NBAS: variants seen among roughly 807,000 people sequenced by gnomAD.
NBAS encodes the protein NAG/BC035112 fusion.
In NBAS, 219 loss-of-function variants were observed where a neutral mutation model predicts 302.5. The observed-to-expected ratio is 0.72, with a 90% CI of 0.65 to 0.81. The LOEUF is 0.81. NBAS is among the 30% of genes least tolerant of loss of function. NBAS has a pLI of 0.00. For missense variants in NBAS, 2,932 were observed against 2,841.6 expected (o/e 1.03, Z -0.72); for synonymous variants, 1,118 against 1,021.6 (o/e 1.09, Z -1.80).
intron 26 of NBAS, among the ~76,000 whole-genome samples, chr2:15,401,399 G>T (rs1336815427): frequency 1.3e-5 from 2 of 150,358 alleles, no homozygotes; most frequent in Non-Finnish European, 2.9e-5. Context: ...AGAGGGAGAA[G>T]ATAAAAAGAG....
At chr2:15,343,872 A>G (rs1265192755) in intron 35 of NBAS, among the ~76,000 whole-genome samples, 1 of 151,864 alleles carries the variant, frequency 6.6e-6, no homozygotes, top group African/African-American at 2.4e-5. Flanking sequence ...AACTTCAGGA[A>G]CATTAAACAT....
chr2:15,145,879 A>G, the NBAS span, among the ~76,000 whole-genome samples: 1 of 152,124 alleles, frequency 6.6e-6, no homozygotes, highest in South Asian at 2.1e-4. Flanking sequence ...GCATGCTCGA[A>G]GTTGAGAGCC....
chr2:14,997,932 G>T, the NBAS span, among the ~76,000 whole-genome samples: 2 of 152,212 alleles, frequency 1.3e-5, no homozygotes, highest in Middle Eastern at 3.2e-3. Flanking sequence ...GAGATAAACA[G>T]AGGCACAATC....
At chr2:14,974,101 A>G in the NBAS span, among the ~76,000 whole-genome samples, 3 of 152,130 alleles carry the variant, frequency 2.0e-5, no homozygotes, top group Non-Finnish European at 4.4e-5. Context: ...CACTCCCACA[A>G]CTGATTTATT....
the NBAS span, among the ~76,000 whole-genome samples, chr2:14,877,566 T>G: frequency 6.6e-6 from 1 of 152,198 alleles, no homozygotes; most frequent in Non-Finnish European, 1.5e-5. Flanking sequence ...GCAACATGGG[T>G]GCACCAGCCT....
chr2:14,828,805 T>C, the NBAS span, among the ~76,000 whole-genome samples: 82 of 152,026 alleles, frequency 5.4e-4, no homozygotes, highest in Non-Finnish European at 1.0e-3. Context: ...AGTGAAAAGA[T>C]GAGGGAGAGA....
In NBAS at chr2:15,353,561, G is replaced by T. The variant is rs772270925; in HGVS notation, c.4081C>A (p.Gln1361Lys). The T allele has an allele frequency of 6.2e-7, 1 of 1,613,980 alleles. No individual in the cohort carries two copies. The highest frequency in any genetic ancestry group is 1.1e-5 in the South Asian group (1 of 91,074). Residue 1361 changes from glutamine to lysine, a missense_variant, in exon 34 of 52, where the codon CAG (glutamine) becomes AAG (lysine). Gln to Lys is a moderately conservative substitution (Grantham distance 53, BLOSUM62 1). Coordinates refer to ENST00000281513, the MANE Select transcript of NBAS (RefSeq NM_015909.4). ...ELLLAASSSL[Q>K]TEILYQRVNF... The stretch of plus-strand genomic sequence containing the variant: ...TTTATCGAAGGACTTACTTCTGTCT[G>T]CAGAGAGCTGCTAGCTGCCAAAAGA...
the NBAS span, among the ~76,000 whole-genome samples, chr2:14,932,763 A>C: frequency 6.6e-6 from 1 of 152,222 alleles, no homozygotes; most frequent in African/African-American, 2.4e-5. Flanking sequence ...GGAGGCAGTT[A>C]CAGCAAAAGC....
At chr2:15,467,970 C>A (rs553560805) in intron 17 of NBAS, among the ~76,000 whole-genome samples, 166 bp from the exon 18 acceptor site, 1 of 152,180 alleles carries the variant, frequency 6.6e-6, no homozygotes, top group African/African-American at 2.4e-5. Flanking sequence ...TTCATTATAT[C>A]CACAGATGGG....
At chr2:15,168,036 T>C (rs1664116289) in intron 51 of NBAS, among the ~76,000 whole-genome samples, 1 of 152,208 alleles carries the variant, frequency 6.6e-6, no homozygotes, top group Non-Finnish European at 1.5e-5. Context: ...TCAGTTTGCG[T>C]ATTCTCTTTC....
chr2:14,903,898 T>A, the NBAS span, among the ~76,000 whole-genome samples: 1 of 152,014 alleles, frequency 6.6e-6, no homozygotes, highest in African/African-American at 2.4e-5. Flanking sequence ...GGGGGAGGCG[T>A]GCCCAGCAAG....
intron 11 of NBAS, among the ~76,000 whole-genome samples, chr2:15,491,099 C>T (rs1322162509): frequency 1.3e-5 from 2 of 152,176 alleles, no homozygotes; most frequent in Admixed American, 6.5e-5. Context: ...GGGTTCAGGA[C>T]ATGCTACCCC....
the NBAS span, among the ~76,000 whole-genome samples, chr2:15,004,565 G>A: frequency 2.0e-5 from 3 of 151,862 alleles, no homozygotes; most frequent in Non-Finnish European, 4.4e-5. Context: ...GCAGTGGCAC[G>A]ATCATGGCTC....
chr2:14,972,941 T>C, the NBAS span, among the ~76,000 whole-genome samples: 1 of 152,344 alleles, frequency 6.6e-6, no homozygotes, highest in Non-Finnish European at 1.5e-5. Context: ...GGAAAACACT[T>C]GGCTAGAACC....
At chr2:14,836,278 A>C in the NBAS span, among the ~76,000 whole-genome samples, 1 of 151,816 alleles carries the variant, frequency 6.6e-6, no homozygotes, top group Non-Finnish European at 1.5e-5. Flanking sequence ...TGATGGATAG[A>C]AGTTTTTCAT....
chr2:15,429,367 A>G (rs1170911714), intron 21 of NBAS, among the ~76,000 whole-genome samples: 2 of 152,246 alleles, frequency 1.3e-5, no homozygotes, highest in African/African-American at 2.4e-5. Context: ...CTGAGTATCA[A>G]TAGTAGCATT....
At chr2:15,311,464 T>A (rs1043534017) in intron 38 of NBAS, among the ~76,000 whole-genome samples, 2 of 152,154 alleles carry the variant, frequency 1.3e-5, no homozygotes, top group Admixed American at 6.5e-5. Context: ...ACAACATGTT[T>A]TCGTTTCCCA....
the NBAS span, among the ~76,000 whole-genome samples, chr2:15,089,418 A>G: frequency 9.4e-3 from 1,428 of 152,250 alleles, 17 homozygotes; most frequent in Middle Eastern, 0.024. Flanking sequence ...GCCCTATCCA[A>G]TCCAATTCCT....
At chr2:15,559,157 A>C (rs1664793310) in intron 1 of NBAS, among the ~76,000 whole-genome samples, 1 of 151,944 alleles carries the variant, frequency 6.6e-6, no homozygotes, top group Admixed American at 6.6e-5. Flanking sequence ...GTCAGGACTA[A>C]CCTTGCAGGA....
Sources: allele counts gnomAD v4.1 joint callset (sites outside exome capture counted in the v4.1 genomes callset), GRCh38; gene constraint gnomAD v4.1.1; transcripts MANE v1.5; gene names NCBI Gene and HGNC (gene_info 2026-07-23, HGNC 2026-07-21).